Variants in LIN28B observed in about 807,000 individuals in gnomAD.
The protein encoded by LIN28B is lin-28 RNA binding posttranscriptional regulator B.
In LIN28B, 5 loss-of-function variants were observed where a neutral mutation model predicts 21.9. The ratio of observed to expected loss-of-function variants is 0.23; its 90% confidence interval spans 0.12 to 0.48. LIN28B has a LOEUF of 0.48. Among genes scored for constraint, LIN28B ranks in the 20% least tolerant of loss-of-function variants. The probability of loss-of-function intolerance (pLI) is 0.98; values close to 1 mark genes in which losing one functional copy is unlikely to be tolerated. For missense variants in LIN28B, 245 were observed against 310.5 expected, an observed-to-expected ratio of 0.79 and a Z score of 1.58; for synonymous variants, 109 against 111.3, an observed-to-expected ratio of 0.98 and a Z score of 0.13.
At position 105,006,823 on chromosome 6, in the gene LIN28B, C is replaced by T. The variant is rs1191710078; in HGVS notation, c.199-19475C>T. On this transcript the variant is annotated intron_variant, in intron 2 of 3. Coordinates refer to ENST00000345080, the MANE Select transcript of LIN28B (RefSeq NM_001004317.4). ...ACAGCAGATTTTGCACTAGCTAGCT[C>T]TTACAGTTTCTTCCCAAAAGTACCT... Among the ~76,000 whole-genome samples the T allele has an allele frequency of 2.0e-5, 3 of 152,272 alleles. No individual in the cohort carries two copies. The East Asian group carries it at 5.8e-4, about 29-fold the overall frequency.
chr6:104,995,776 A>G lies in LIN28B; in HGVS notation c.199-30522A>G, dbSNP rs1478249470. ...AATGGAAACATTTTTACTCAACAGCATGTAAATAAATACATGTAATAAGAA... is the reference window on the plus strand; with the variant it reads ...AATGGAAACATTTTTACTCAACAGCGTGTAAATAAATACATGTAATAAGAA... On this transcript the variant is annotated intron_variant, in intron 2 of 3. Coordinates refer to ENST00000345080, the MANE Select transcript of LIN28B (RefSeq NM_001004317.4). Among the ~76,000 whole-genome samples the G allele has an allele frequency of 3.3e-5, 5 of 152,270 alleles. No homozygotes were observed. In the East Asian group the frequency reaches 5.8e-4, roughly 18 times the overall value.
At position 104,963,137 on chromosome 6, in the gene LIN28B, T is replaced by G. The variant is rs1769783851; in HGVS notation, c.198+4851T>G. ...ATCTCTGCTCACTGCAACTCCGCCT[T>G]CCGGGTTCACGCCATTCTCCTGCTT... On this transcript the variant is annotated intron_variant, in intron 2 of 3. Transcript: ENST00000345080. Among the ~76,000 whole-genome samples, 3 of 152,274 alleles carry G rather than the reference T, an allele frequency of 2.0e-5. 1 individual carries two copies. Among genetic ancestry groups the G allele is most frequent in the Middle Eastern group, 6.8e-3 (2 of 294 alleles).
chr6:105,004,844 A>G (rs140386199), intron 2 of LIN28B, among the ~76,000 whole-genome samples: 63 of 152,284 alleles, frequency 4.1e-4, no homozygotes, highest in African/African-American at 1.4e-3. Context: ...AATCATTCCT[A>G]TAGCTTACCA....
At chr6:105,051,446 A>G (rs374104503) in intron 3 of LIN28B, among the ~76,000 whole-genome samples, 4 of 152,060 alleles carry the variant, frequency 2.6e-5, no homozygotes, top group African/African-American at 9.6e-5. Context: ...CTGAAAAAAA[A>G]AAAGAAAGAA....
At chr6:104,956,995 C>A, upstream of LIN28B, 2 of 1,101,016 alleles carry the variant, frequency 1.8e-6, no homozygotes, top group Non-Finnish European at 2.4e-6. Flanking sequence ...TTATCTCTTC[C>A]TCTTGCCAGC....
intron 3 of LIN28B, among the ~76,000 whole-genome samples, chr6:105,047,973 A>G (rs1222431842): frequency 6.6e-6 from 1 of 152,188 alleles, no homozygotes; most frequent in African/African-American, 2.4e-5. Context: ...AACAGGGACA[A>G]TTTGACTTCC....
chr6:104,961,627 C>T (rs933770744), intron 2 of LIN28B, among the ~76,000 whole-genome samples: 2 of 152,100 alleles, frequency 1.3e-5, no homozygotes, highest in Non-Finnish European at 2.9e-5. Flanking sequence ...GTCACGAGCT[C>T]CTGACCTTGT....
chr6:104,947,297 G>T (rs1778167699), intron 2 of LIN28B, among the ~76,000 whole-genome samples: 2 of 151,998 alleles, frequency 1.3e-5, no homozygotes, highest in Non-Finnish European at 2.9e-5. Context: ...GCTAATTCAT[G>T]TATTTTTAGT....
chr6:104,957,064 T>A (rs1258194983), upstream of LIN28B: 11 of 1,458,458 alleles, frequency 7.5e-6, no homozygotes, highest in Non-Finnish European at 9.0e-6. Flanking sequence ...CAAAGTCACG[T>A]GTGCTCAGGG....
At chr6:104,970,931 TGAG>T (rs1769964842) in intron 2 of LIN28B, among the ~76,000 whole-genome samples, 1 of 152,288 alleles carries the variant, frequency 6.6e-6, no homozygotes, top group Admixed American at 6.5e-5. Flanking sequence ...TAAAGTTAAA[TGAG>T]GATAAGTGTT....
In LIN28B at chr6:105,078,585, G is replaced by T. The variant is rs767277533; in HGVS notation, c.555G>T (p.Gln185His). Residue 185 changes from glutamine to histidine, a missense_variant, in exon 4 of 4, where the codon CAG (glutamine) becomes CAT (histidine). Gln to His is a conservative substitution (Grantham distance 24). Transcript: ENST00000345080. ...AGGGAAGACAGGAAGCAGAATCCCA[G>T]CCATGCACTTCAACTCTCCCTCGAG... ...SSQGRQEAES[Q>H]PCTSTLPREV... 1 of 1,614,148 alleles carries T rather than the reference G, an allele frequency of 6.2e-7. No individual in the cohort carries two copies. Among genetic ancestry groups the T allele is most frequent in the East Asian group, 2.2e-5 (1 of 44,876 alleles).
intron 3 of LIN28B, among the ~76,000 whole-genome samples, chr6:105,030,006 GA>G (rs904186136): frequency 6.6e-6 from 1 of 152,168 alleles, no homozygotes; most frequent in African/African-American, 2.4e-5. Context: ...GGTCAGAAGT[GA>G]ATAACTGTTC....
At chr6:105,049,580 C>T (rs915616821) in intron 3 of LIN28B, among the ~76,000 whole-genome samples, 3 of 152,084 alleles carry the variant, frequency 2.0e-5, no homozygotes, top group Non-Finnish European at 2.9e-5. Flanking sequence ...TCTCGTTGAT[C>T]TGTCTAATGT....
At chr6:104,994,621 G>A (rs1770562360) in intron 2 of LIN28B, among the ~76,000 whole-genome samples, 1 of 152,192 alleles carries the variant, frequency 6.6e-6, no homozygotes, top group African/African-American at 2.4e-5. Context: ...AAAATATTAT[G>A]TAAGAGTCGA....
chr6:105,061,507 G>A (rs937389052), intron 3 of LIN28B, among the ~76,000 whole-genome samples: 1 of 149,610 alleles, frequency 6.7e-6, no homozygotes, highest in Non-Finnish European at 1.5e-5. Flanking sequence ...TTTTGCTCTC[G>A]CTCCCCCCAC....
At chr6:105,069,209 C>A (rs1429869943) in intron 3 of LIN28B, among the ~76,000 whole-genome samples, 1 of 152,142 alleles carries the variant, frequency 6.6e-6, no homozygotes, top group African/African-American at 2.4e-5. Context: ...CACAGTGAGA[C>A]CCTGTCTCAA....
chr6:104,942,895 A>G (rs1180800836), intron 2 of LIN28B, among the ~76,000 whole-genome samples: 7 of 91,834 alleles, frequency 7.6e-5, no homozygotes, highest in Non-Finnish European at 1.5e-4. Flanking sequence ...TGGTAACTTT[A>G]TAGGTGCTTC....
Position 104,982,040 on chromosome 6 carries a change from C to T in LIN28B, c.198+23754C>T, listed in dbSNP as rs376132737. The stretch of plus-strand genomic sequence containing the variant: ...TAAGAAGAAGGAATTAGGGCTTGGG[C>T]GCAGTGGCTCACACCTGTAATCCCA... On this transcript the variant is annotated intron_variant, in intron 2 of 3. Transcript: ENST00000345080. Among the ~76,000 whole-genome samples the T allele has an allele frequency of 2.6e-4, 39 of 152,206 alleles. No homozygotes were observed. The East Asian group carries it at 3.1e-3, about 12-fold the overall frequency.
chr6:105,071,480 A>T (rs1367329659), intron 3 of LIN28B, among the ~76,000 whole-genome samples: 2 of 152,162 alleles, frequency 1.3e-5, no homozygotes, highest in East Asian at 1.9e-4. Flanking sequence ...TTATTATTAT[A>T]ATTTAATTTT....
Sources: gnomAD v4.1 joint callset for allele counts (sites outside exome capture counted in the v4.1 genomes callset) on GRCh38, gnomAD v4.1.1 for gene constraint, MANE v1.5 for transcripts, NCBI Gene and HGNC (gene_info 2026-07-23, HGNC 2026-07-21) for gene names.